LY96: variants seen among roughly 807,000 people sequenced by gnomAD.
LY96 encodes myeloid differentiation protein-2.
A neutral mutation model predicts 18.9 loss-of-function variants in LY96; 18 were observed. That is an observed-to-expected ratio of 0.95 (90% CI 0.66 to 1.41). The LOEUF (loss-of-function observed/expected upper bound fraction) is 1.41. Ranked by LOEUF, LY96 falls within the 40% of genes most tolerant of loss-of-function variation. The probability of loss-of-function intolerance (pLI) is 0.00; values close to 1 mark genes in which losing one functional copy is unlikely to be tolerated. For synonymous variants in LY96, 66 were observed against 62.6 expected, an observed-to-expected ratio of 1.06 and a Z score of -0.26; for missense variants, 175 against 182.4, an observed-to-expected ratio of 0.96 and a Z score of 0.23.
the LY96 span, among the ~76,000 whole-genome samples, chr8:74,093,475 A>T: frequency 2.0e-5 from 3 of 152,254 alleles, no homozygotes; most frequent in Non-Finnish European, 4.4e-5. Flanking sequence ...CATTTGGTAC[A>T]TTCTTAACAT....
intron 3 of LY96, among the ~76,000 whole-genome samples, chr8:74,015,705 C>A (rs1045179418): frequency 2.6e-5 from 4 of 152,174 alleles, no homozygotes; most frequent in African/African-American, 9.7e-5. Context: ...TCAGATCCCG[C>A]CCCCTGCATA....
the LY96 span, among the ~76,000 whole-genome samples, chr8:74,035,547 AGATAACCT>A: frequency 2.0e-5 from 3 of 152,322 alleles, no homozygotes; most frequent in East Asian, 5.8e-4. Context: ...GGCACTCCAA[AGATAACCT>A]GAAAAACTGG....
chr8:74,067,727 G>GA, the LY96 span, among the ~76,000 whole-genome samples: 486 of 148,358 alleles, frequency 3.3e-3, 3 homozygotes, highest in African/African-American at 0.011. Context: ...GCTGAGTTTT[G>GA]AAAAAAAAAA....
chr8:74,096,823 T>C, the LY96 span, among the ~76,000 whole-genome samples: 1 of 152,000 alleles, frequency 6.6e-6, no homozygotes, highest in East Asian at 1.9e-4. Context: ...GCTCCCAGGG[T>C]GATGTGAATA....
chr8:74,083,040 T>C, the LY96 span, among the ~76,000 whole-genome samples: 1 of 152,174 alleles, frequency 6.6e-6, no homozygotes, highest in African/African-American at 2.4e-5. Context: ...TAGTGTGTCC[T>C]GAACCCATTT....
chr8:74,054,648 C>T, the LY96 span, among the ~76,000 whole-genome samples: 1 of 126,046 alleles, frequency 7.9e-6, no homozygotes, highest in African/African-American at 3.0e-5. Flanking sequence ...TTCTTTCTTT[C>T]TTTCTTTCTT....
intron 1 of LY96, among the ~76,000 whole-genome samples, chr8:73,993,833 C>T (rs542190188): frequency 1.2e-4 from 18 of 152,326 alleles, no homozygotes; most frequent in African/African-American, 4.3e-4. Context: ...CCCACCTTGG[C>T]CTCCCAAAGT....
At chr8:74,000,171 C>T (rs766388568) in intron 1 of LY96, among the ~76,000 whole-genome samples, 1 of 152,168 alleles carries the variant, frequency 6.6e-6, no homozygotes, top group Non-Finnish European at 1.5e-5. Flanking sequence ...ACACTTGGCT[C>T]CCTTCTATCC....
At chr8:74,003,555 C>T (rs1306653016) in intron 1 of LY96, among the ~76,000 whole-genome samples, 1 of 152,238 alleles carries the variant, frequency 6.6e-6, no homozygotes, top group African/African-American at 2.4e-5. Flanking sequence ...CAGGCCTGCT[C>T]AGGCTTCTCA....
chr8:74,035,382 C>T, the LY96 span, among the ~76,000 whole-genome samples: 10 of 152,132 alleles, frequency 6.6e-5, no homozygotes, highest in South Asian at 2.1e-4. Flanking sequence ...CAGGCAGCCA[C>T]GCCGCCCTGG....
At chr8:73,992,003 G>T (rs1816014593) in intron 1 of LY96, among the ~76,000 whole-genome samples, 1 of 152,176 alleles carries the variant, frequency 6.6e-6, no homozygotes, top group African/African-American at 2.4e-5. Flanking sequence ...CTCACTGGAT[G>T]AAAGCCTGGT....
chr8:74,046,933 G>T, the LY96 span, among the ~76,000 whole-genome samples: 1,171 of 134,024 alleles, frequency 8.7e-3, 17 homozygotes, highest in African/African-American at 0.032. Context: ...ACTGAGTCTC[G>T]CTCCGTCGCC....
chr8:74,002,089 T>C (rs866336608), intron 1 of LY96, among the ~76,000 whole-genome samples: 448 of 25,032 alleles, frequency 0.018, 95 homozygotes, highest in African/African-American at 0.057. Flanking sequence ...CTTTCTTTCT[T>C]TCTTTCTCTC....
chr8:74,070,738 A>AC, the LY96 span, among the ~76,000 whole-genome samples: 1 of 151,600 alleles, frequency 6.6e-6, no homozygotes, highest in Non-Finnish European at 1.5e-5. Context: ...TTGCTTTTTT[A>AC]AAAAAAAATT....
intron 4 of LY96, 130 bp from the exon 5 acceptor site, chr8:74,028,826 C>T: frequency 1.8e-6 from 1 of 550,168 alleles, no homozygotes; most frequent in Non-Finnish European, 3.2e-6. Context: ...AAAATTTCGT[C>T]TCATTGGAAA....
intron 1 of LY96, among the ~76,000 whole-genome samples, chr8:74,003,797 A>G (rs1816350797): frequency 6.6e-6 from 1 of 152,138 alleles, no homozygotes; most frequent in Non-Finnish European, 1.5e-5. Context: ...TGCCTTTGAG[A>G]TGAGTCAGCC....
the LY96 span, among the ~76,000 whole-genome samples, chr8:74,094,848 G>A: frequency 1.3e-5 from 2 of 152,180 alleles, no homozygotes; most frequent in Non-Finnish European, 2.9e-5. Context: ...GATTCTGATG[G>A]GTTTAAGTAT....
At chr8:74,032,593 G>C (rs1816988436), downstream of LY96, among the ~76,000 whole-genome samples, 1 of 152,230 alleles carries the variant, frequency 6.6e-6, no homozygotes, top group East Asian at 1.9e-4. Context: ...CAGTCGGAGA[G>C]CTCGGTTTTT....
intron 4 of LY96, among the ~76,000 whole-genome samples, chr8:74,028,535 C>T (rs1816915563): frequency 6.6e-6 from 1 of 151,938 alleles, no homozygotes; most frequent in Non-Finnish European, 1.5e-5. Context: ...TTTTTGGGAA[C>T]TTAGTCTGGT....
Sources: allele counts gnomAD v4.1 joint callset (sites outside exome capture counted in the v4.1 genomes callset), GRCh38; gene constraint gnomAD v4.1.1; transcripts MANE v1.5; gene names NCBI Gene and HGNC (gene_info 2026-07-23, HGNC 2026-07-21).